RNF11: variants seen among roughly 807,000 people sequenced by gnomAD.
RNF11 encodes the protein ring finger protein 11.
RNF11 carries 4 observed loss-of-function variants against 15.8 expected under a neutral mutation model. The observed-to-expected ratio is 0.25, with a 90% CI of 0.12 to 0.58. The LOEUF (loss-of-function observed/expected upper bound fraction) is 0.58. Among genes scored for constraint, RNF11 ranks in the 20% least tolerant of loss-of-function variants. RNF11 has a pLI of 0.91. For synonymous variants in RNF11, 68 were observed against 72.3 expected, an observed-to-expected ratio of 0.94 and a Z score of 0.30; for missense variants, 139 against 194.4, an observed-to-expected ratio of 0.71 and a Z score of 1.70.
At chr1:51,250,942 C>T (rs545204612) in intron 1 of RNF11, 25 of 1,227,344 alleles carry the variant, frequency 2.0e-5, no homozygotes, top group African/African-American at 7.4e-5. Context: ...TTGCAAGGGA[C>T]GGTGTGGGGC....
chr1:51,239,775 G>C (rs1255874006), intron 1 of RNF11, among the ~76,000 whole-genome samples: 1 of 152,204 alleles, frequency 6.6e-6, no homozygotes, highest in East Asian at 1.9e-4. Flanking sequence ...GTAATTAACA[G>C]TGAATAGCTG....
At chr1:51,238,608 C>T (rs369377092) in intron 1 of RNF11, among the ~76,000 whole-genome samples, 2 of 152,194 alleles carry the variant, frequency 1.3e-5, no homozygotes, top group East Asian at 1.9e-4. Flanking sequence ...AGGGTAGTCT[C>T]TTAAAAATCA....
intron 1 of RNF11, among the ~76,000 whole-genome samples, chr1:51,258,248 A>C (rs1284561104): frequency 6.6e-6 from 1 of 152,234 alleles, no homozygotes. Flanking sequence ...TAGTATTTTC[A>C]GACCATGGTT....
At chr1:51,250,750 T>G in intron 1 of RNF11, 1 of 1,377,188 alleles carries the variant, frequency 7.3e-7, no homozygotes, top group South Asian at 1.2e-5. Flanking sequence ...GTCTTAGAAA[T>G]GGCATCAAAG....
At chr1:51,258,320 A>C (rs1646914780) in intron 1 of RNF11, among the ~76,000 whole-genome samples, 1 of 152,212 alleles carries the variant, frequency 6.6e-6, no homozygotes, top group Admixed American at 6.5e-5. Context: ...TTCATTTTAA[A>C]GATGCAGAAA....
At chr1:51,246,979 TAAAA>T (rs58842374) in intron 1 of RNF11, among the ~76,000 whole-genome samples, 15 of 126,570 alleles carry the variant, frequency 1.2e-4, no homozygotes, top group African/African-American at 4.4e-4. Context: ...CCTTATCTCT[TAAAA>T]AAAAAAAAAA....
At chr1:51,246,372 C>T (rs927303070) in intron 1 of RNF11, among the ~76,000 whole-genome samples, 5 of 151,806 alleles carry the variant, frequency 3.3e-5, no homozygotes, top group African/African-American at 9.7e-5. Flanking sequence ...CCCAGGAGTT[C>T]GAAACCAGCC....
chr1:51,237,814 C>T (rs1646812009), intron 1 of RNF11, among the ~76,000 whole-genome samples: 2 of 152,118 alleles, frequency 1.3e-5, no homozygotes, highest in Non-Finnish European at 2.9e-5. Flanking sequence ...CAGAGGGCTT[C>T]AATAGTAGTA....
chr1:51,254,217 T>A (rs575550406), intron 1 of RNF11, among the ~76,000 whole-genome samples: 13 of 152,274 alleles, frequency 8.5e-5, no homozygotes, highest in South Asian at 4.1e-4. Flanking sequence ...GTTTTTTTTT[T>A]AAATCAAAGA....
chr1:51,246,041 G>A lies in RNF11; in HGVS notation c.123+9162G>A, dbSNP rs112154567. Among the ~76,000 whole-genome samples the A allele has an allele frequency of 6.0e-3, 916 of 152,216 alleles. 13 individuals are homozygous for A. The highest frequency in any genetic ancestry group is 0.021 in the African/African-American group (863 of 41,520). On this transcript the variant is annotated intron_variant, in intron 1 of 2. Transcript: ENST00000242719. Reference sequence around the variant, plus strand: ...AGTACTTTGGGAGGCTGAGGTGGGCGGGTCACCTGAGGTTAGGAGTTTGAG... The same window carrying A: ...AGTACTTTGGGAGGCTGAGGTGGGCAGGTCACCTGAGGTTAGGAGTTTGAG...
intron 1 of RNF11, among the ~76,000 whole-genome samples, chr1:51,251,979 T>G (rs1379705293): frequency 1.4e-5 from 2 of 147,004 alleles, no homozygotes; most frequent in African/African-American, 5.1e-5. Context: ...CTCAGGAGGC[T>G]GAGGCAAGAG....
chr1:51,268,308 TC>T (rs1376450784), intron 1 of RNF11, among the ~76,000 whole-genome samples: 1 of 152,230 alleles, frequency 6.6e-6, no homozygotes, highest in Admixed American at 6.5e-5. Flanking sequence ...TCTATGGTTT[TC>T]TGAACCATGT....
intron 1 of RNF11, among the ~76,000 whole-genome samples, chr1:51,239,546 A>G (rs534472063): frequency 1.3e-5 from 2 of 152,252 alleles, no homozygotes; most frequent in South Asian, 2.1e-4. Context: ...GATCTGAGAA[A>G]CAGCAATCCA....
At chr1:51,238,285 T>A (rs992606928) in intron 1 of RNF11, among the ~76,000 whole-genome samples, 1 of 152,228 alleles carries the variant, frequency 6.6e-6, no homozygotes, top group African/African-American at 2.4e-5. Flanking sequence ...TACACTTCCA[T>A]AAGCAATATC....
chr1:51,236,653 C>G lies in RNF11; in HGVS notation c.-104C>G, dbSNP rs1646804209. 3.3e-6 allele frequency: 5 copies of G among 1,506,218 alleles called. No homozygotes were observed. The East Asian group carries it at 1.2e-4, about 35-fold the overall frequency. The allele number at this position is 1,506,218 out of a possible 1,614,324, so 93.3% of individuals were successfully genotyped here. A position where few individuals can be genotyped will look rare whatever the true frequency, so the allele number is the denominator to read the frequency against. On this transcript the variant is annotated 5_prime_UTR_variant, in exon 1 of 3. Coordinates refer to ENST00000242719, the MANE Select transcript of RNF11 (RefSeq NM_014372.5). ...GAGTCGCCTCCGCCTGATCCCCGGC[C>G]TGTCGCCCGACCCCACCTCGCCAAC... is the stretch of plus-strand genomic sequence containing the variant.
At position 51,271,564 on chromosome 1, in the gene RNF11, A is replaced by G. The variant is rs1179499809; in HGVS notation, c.*242A>G. On this transcript the variant is annotated 3_prime_UTR_variant, in exon 3 of 3. Coordinates refer to ENST00000242719, the MANE Select transcript of RNF11 (RefSeq NM_014372.5). ...AATGTTTAAAAATATAATTGTATTT[A>G]GATCTTGTTATTGCTCCAGTACATA... 2.7e-6 allele frequency: 1 copy of G among 377,332 alleles called. No homozygotes were observed. Among genetic ancestry groups the G allele is most frequent in the East Asian group, 4.3e-5 (1 of 23,154 alleles). 23.4% of individuals were successfully genotyped at this position (377,332 alleles called of 1,614,324 possible).
chr1:51,258,414 A>G (rs1052394658), intron 1 of RNF11, among the ~76,000 whole-genome samples: 1 of 152,216 alleles, frequency 6.6e-6, no homozygotes. Flanking sequence ...AAAATGTTAT[A>G]TAATACACTA....
intron 1 of RNF11, among the ~76,000 whole-genome samples, chr1:51,237,895 A>G (rs1021157025): frequency 1.3e-5 from 2 of 152,080 alleles, no homozygotes; most frequent in African/African-American, 4.8e-5. Flanking sequence ...ATGTGATGAC[A>G]TCATTATCTA....
In RNF11 at chr1:51,254,051, T is replaced by G. The variant is rs1282439887; in HGVS notation, c.124-15905T>G. Among the ~76,000 whole-genome samples, 7 of 152,110 alleles carry G rather than the reference T, an allele frequency of 4.6e-5. No homozygotes were observed. In the East Asian group the frequency reaches 7.7e-4, roughly 17 times the overall value. On this transcript the variant is annotated intron_variant, in intron 1 of 2. Transcript: ENST00000242719. ...ACACGATCAATCGGATCATCCTAAA[T>G]AATTTATCGAAACAGTGGAAAAATA...
Sources: gnomAD v4.1 joint callset for allele counts (sites outside exome capture counted in the v4.1 genomes callset) on GRCh38, gnomAD v4.1.1 for gene constraint, MANE v1.5 for transcripts, NCBI Gene and HGNC (gene_info 2026-07-23, HGNC 2026-07-21) for gene names.